The following TTC6 variants were observed in gnomAD, a reference collection of about 807,000 sequenced individuals.
TTC6 encodes the protein tetratricopeptide repeat domain 6.
A neutral mutation model predicts 210.4 loss-of-function variants in TTC6; 172 were observed. The ratio of observed to expected loss-of-function variants is 0.82; its 90% CI spans 0.72 to 0.93. The LOEUF (loss-of-function observed/expected upper bound fraction) is 0.93. Among genes scored for constraint, TTC6 ranks in the 40% least tolerant of loss-of-function variants. TTC6 has a pLI of 0.00. For missense variants in TTC6, 2,414 were observed against 2,318.1 expected (o/e 1.04, Z -0.85); for synonymous variants, 804 against 819.6 (o/e 0.98, Z 0.32).
chr14:37,837,822 A>G (rs1297743428), intron 29 of TTC6, among the ~76,000 whole-genome samples: 1 of 152,236 alleles, frequency 6.6e-6, no homozygotes, highest in Non-Finnish European at 1.5e-5. Context: ...CTGTGCAATC[A>G]GTGTTCCATA....
intron 12 of TTC6, 148 bp downstream of exon 14, chr14:37,749,991 A>T (rs1361199258): frequency 2.2e-5 from 10 of 445,826 alleles, no homozygotes; most frequent in Non-Finnish European, 3.5e-5. Context: ...GTTATTGTAA[A>T]TCCGGGGCTC....
chr14:37,659,652 C>G (rs2095732847), intron 1 of TTC6, among the ~76,000 whole-genome samples: 1 of 152,142 alleles, frequency 6.6e-6, no homozygotes, highest in South Asian at 2.1e-4. Flanking sequence ...TCCCGAACAA[C>G]TGGGATTACA....
At chr14:37,725,314 A>ATG (rs1443196157) in intron 7 of TTC6, among the ~76,000 whole-genome samples, 15 of 38,934 alleles carry the variant, frequency 3.9e-4, no homozygotes, top group African/African-American at 5.3e-4. Context: ...GTGTGTGTGT[A>ATG]TATATATATA....
intron 10 of TTC6, among the ~76,000 whole-genome samples, chr14:37,748,452 A>G (rs2095942425): frequency 6.6e-6 from 1 of 152,200 alleles, no homozygotes. Context: ...ATTTGAAAGC[A>G]TATTAGGTAT....
At chr14:37,752,015 T>C (rs746074204) in intron 13 of TTC6, among the ~76,000 whole-genome samples, 10 of 151,790 alleles carry the variant, frequency 6.6e-5, no homozygotes, top group South Asian at 2.1e-4. Context: ...TTAGTAGAGA[T>C]GGGGTTTCAC....
At chr14:37,731,615 A>G (rs1399888552) in intron 7 of TTC6, among the ~76,000 whole-genome samples, 1 of 152,198 alleles carries the variant, frequency 6.6e-6, no homozygotes, top group East Asian at 1.9e-4. Flanking sequence ...TTAGATGCAT[A>G]CAAATGAAGG....
At chr14:37,604,065 C>T (rs903337516) in intron 1 of TTC6, among the ~76,000 whole-genome samples, 2 of 152,172 alleles carry the variant, frequency 1.3e-5, no homozygotes, top group African/African-American at 4.8e-5. Context: ...GGCTGCTGAC[C>T]AGGTATGCCT....
intron 14 of TTC6, among the ~76,000 whole-genome samples, chr14:37,778,542 A>C (rs2096045070): frequency 6.6e-6 from 1 of 152,064 alleles, no homozygotes; most frequent in African/African-American, 2.4e-5. Flanking sequence ...GGGATGGTGA[A>C]ATCTGCCCAC....
At chr14:37,714,036 CAAAAGTTAATGTAT>C (rs2095848683) in intron 5 of TTC6, among the ~76,000 whole-genome samples, 1 of 151,556 alleles carries the variant, frequency 6.6e-6, no homozygotes. Context: ...TGTTATAATA[CAAAAGTTAATGTAT>C]TTTTAAGCCA....
chr14:37,725,310 G>GTATATATATA (rs1191022370), intron 7 of TTC6, among the ~76,000 whole-genome samples: 1 of 55,728 alleles, frequency 1.8e-5, no homozygotes, highest in Non-Finnish European at 3.7e-5. Flanking sequence ...GTGTGTGTGT[G>GTATATATATA]TGTATATATA....
chr14:37,785,208 G>T (rs2096064821), intron 14 of TTC6, among the ~76,000 whole-genome samples: 1 of 152,214 alleles, frequency 6.6e-6, no homozygotes, highest in African/African-American at 2.4e-5. Flanking sequence ...ATAATATCCT[G>T]AAGAGTGTTT....
chr14:37,613,653 A>G (rs1228581538), intron 2 of TTC6, among the ~76,000 whole-genome samples: 1 of 152,116 alleles, frequency 6.6e-6, no homozygotes, highest in African/African-American at 2.4e-5. Context: ...TTTTTTAAAA[A>G]TATAGAGCTA....
intron 1 of TTC6, among the ~76,000 whole-genome samples, chr14:37,626,264 G>T (rs971900349): frequency 6.6e-6 from 1 of 152,166 alleles, no homozygotes; most frequent in Admixed American, 6.5e-5. Flanking sequence ...ATTACATGTG[G>T]CTGGGGTTCA....
Position 37,725,903 on chromosome 14 carries a change from T to G in TTC6, c.1818+901T>G, listed in dbSNP as rs1326630055. Among the ~76,000 whole-genome samples, 6 of 152,278 alleles carry G rather than the reference T, an allele frequency of 3.9e-5. No homozygotes were observed. In the South Asian group the frequency reaches 1.0e-3, roughly 26 times the overall value. On this transcript the variant is annotated intron_variant, in intron 7 of 30. Transcript: ENST00000553443. ...AATGTGGTAATCTTTTTCCTTCCCT[T>G]AAAGAAGAATGATTACTCTCATTTT...
chr14:37,758,309 G>C (rs189114728), intron 14 of TTC6, among the ~76,000 whole-genome samples: 1 of 152,132 alleles, frequency 6.6e-6, no homozygotes, highest in Non-Finnish European at 1.5e-5. Context: ...TATTGTGTGG[G>C]AGTCTAAGTC....
chr14:37,628,945 T>C (rs2095664856), intron 1 of TTC6, among the ~76,000 whole-genome samples: 1 of 152,100 alleles, frequency 6.6e-6, no homozygotes, highest in South Asian at 2.1e-4. Flanking sequence ...CTGAGGCCTC[T>C]GTTCTGTTCC....
chr14:37,680,293 C>CT lies in TTC6; in HGVS notation c.1050+33dup, dbSNP rs750813476. 1.0e-4 allele frequency: 137 copies of CT among 1,338,426 alleles called. No individual in the cohort carries two copies. The Middle Eastern group carries it at 1.1e-3, about 11-fold the overall frequency. The allele number at this position is 1,338,426 out of a possible 1,614,324, so 82.9% of individuals were successfully genotyped here. On this transcript the variant is annotated intron_variant, in intron 2 of 30. Coordinates refer to ENST00000553443, the Ensembl canonical transcript of TTC6. Reference sequence around the variant, plus strand: ...TCTTTAATAAAAATCCTCCTTGCCTCTGTTAAAGTAACAGCATGCTTCCTG... The same window carrying CT: ...TCTTTAATAAAAATCCTCCTTGCCTCTTGTTAAAGTAACAGCATGCTTCCTG...
In TTC6 at chr14:37,690,452, A is replaced by G. The variant is rs559292982; in HGVS notation, c.1258-6265A>G. On this transcript the variant is annotated intron_variant, in intron 3 of 30. Coordinates refer to ENST00000553443, the Ensembl canonical transcript of TTC6. Reference sequence around the variant, plus strand: ...AGAGTGGCTGGAATGGATTAAAAAAATAAGACTGATTGATCTGTTGCCTAC... The same window carrying G: ...AGAGTGGCTGGAATGGATTAAAAAAGTAAGACTGATTGATCTGTTGCCTAC... Among the ~76,000 whole-genome samples, 161 of 152,274 alleles carry G rather than the reference A, an allele frequency of 1.1e-3. 1 individual carries two copies. The highest frequency in any genetic ancestry group is 2.0e-3 in the Non-Finnish European group (138 of 68,022).
In TTC6 at chr14:37,606,650, T is replaced by A. The variant is rs1594999695; in HGVS notation, c.-234-13T>A. ...AGTTCCCTTTAATCCCACCTTCAAA[T>A]TTTTTTCCCTAGGAAAACCCTTTCC... On this transcript the variant is annotated splice_polypyrimidine_tract_variant and intron_variant, in intron 1 of 2. Coordinates refer to the TTC6 transcript ENST00000556845. 1 of 893,596 alleles carries A rather than the reference T, an allele frequency of 1.1e-6. No homozygotes were observed. The highest frequency in any genetic ancestry group is 1.8e-5 in the African/African-American group (1 of 55,444). The allele number at this position is 893,596 out of a possible 1,614,324, so 55.4% of individuals were successfully genotyped here. A position where few individuals can be genotyped will look rare whatever the true frequency, so the allele number is the denominator to read the frequency against.
Sources: gnomAD v4.1 joint callset for allele counts (sites outside exome capture counted in the v4.1 genomes callset) on GRCh38, gnomAD v4.1.1 for gene constraint, MANE v1.5 for transcripts, NCBI Gene and HGNC (gene_info 2026-07-23, HGNC 2026-07-21) for gene names.